Variants in SORCS2 observed in about 807,000 individuals in gnomAD.
SORCS2 encodes VPS10 domain-containing receptor SorCS2.
SORCS2 carries 100 observed loss-of-function variants against 141.6 expected under a neutral mutation model. The observed-to-expected ratio is 0.71, with a 90% CI of 0.60 to 0.83. SORCS2 has a LOEUF of 0.83. Ranked by LOEUF, SORCS2 falls within the 40% of genes least tolerant of loss-of-function variation. The pLI is 0.00. For missense variants in SORCS2, 1,646 were observed against 1,560.2 expected, an observed-to-expected ratio of 1.05 and a Z score of -0.93; for synonymous variants, 789 against 676.9, an observed-to-expected ratio of 1.17 and a Z score of -2.57.
intron 1 of SORCS2, among the ~76,000 whole-genome samples, chr4:7,245,589 C>T (rs752190121): frequency 1.1e-4 from 16 of 152,212 alleles, no homozygotes; most frequent in Non-Finnish European, 1.9e-4. Context: ...TTAGTGCCTC[C>T]CAGTGCAAGG....
intron 2 of SORCS2, among the ~76,000 whole-genome samples, chr4:7,418,602 C>T (rs1725842372): frequency 6.6e-6 from 1 of 152,050 alleles, no homozygotes. Flanking sequence ...AAAAGTCTAG[C>T]TCAGAAATTA....
chr4:7,289,682 C>A (rs763938097), intron 1 of SORCS2, among the ~76,000 whole-genome samples: 64 of 152,230 alleles, frequency 4.2e-4, no homozygotes, highest in African/African-American at 1.4e-3. Context: ...TAAAGCTCTG[C>A]GGGGAGTTTT....
At chr4:7,657,400 G>C (rs1376096838) in intron 5 of SORCS2, among the ~76,000 whole-genome samples, 1 of 152,062 alleles carries the variant, frequency 6.6e-6, no homozygotes, top group Non-Finnish European at 1.5e-5. Flanking sequence ...AAATAACTGA[G>C]TGTGTGATTG....
At chr4:7,603,049 C>G (rs1379199798) in intron 3 of SORCS2, among the ~76,000 whole-genome samples, 2 of 152,148 alleles carry the variant, frequency 1.3e-5, no homozygotes, top group Non-Finnish European at 2.9e-5. Flanking sequence ...ATCGCAGGCA[C>G]TCCGCAGGCT....
chr4:7,517,511 A>C (rs1259542261), intron 2 of SORCS2, among the ~76,000 whole-genome samples: 1 of 152,190 alleles, frequency 6.6e-6, no homozygotes, highest in Non-Finnish European at 1.5e-5. Context: ...CTTCAGCAGA[A>C]ACCGAATACA....
chr4:7,550,138 G>GTGTGTGTGTGTGTGTGTA (rs1553883004), intron 3 of SORCS2, among the ~76,000 whole-genome samples: 1 of 24,294 alleles, frequency 4.1e-5, no homozygotes, highest in East Asian at 7.6e-3. Flanking sequence ...GTGTATGTGT[G>GTGTGTGTGTGTGTGTGTA]TGTGTGTGTG....
chr4:7,600,670 C>CACACAG (rs1717609808), intron 3 of SORCS2, among the ~76,000 whole-genome samples: 1 of 148,888 alleles, frequency 6.7e-6, no homozygotes, highest in African/African-American at 2.6e-5. Flanking sequence ...CACACACACA[C>CACACAG]ACACACACAC....
intron 1 of SORCS2, among the ~76,000 whole-genome samples, chr4:7,327,888 C>T (rs899655145): frequency 6.6e-6 from 1 of 152,076 alleles, no homozygotes; most frequent in Non-Finnish European, 1.5e-5. Flanking sequence ...CATTTGATGC[C>T]TGTTCTTGTC....
chr4:7,682,940 A>G (rs2108968543), intron 10 of SORCS2, 51 bp downstream of exon 10: 2 of 1,581,790 alleles, frequency 1.3e-6, no homozygotes, highest in South Asian at 1.2e-5. Context: ...GATGCTAGAT[A>G]TAACTTCAGT....
intron 2 of SORCS2, among the ~76,000 whole-genome samples, chr4:7,414,166 C>T (rs1012750418): frequency 6.6e-6 from 1 of 152,204 alleles, no homozygotes; most frequent in Non-Finnish European, 1.5e-5. Context: ...TAGGCATCAA[C>T]AATTCAGACT....
intron 2 of SORCS2, among the ~76,000 whole-genome samples, chr4:7,404,679 G>T (rs938661702): frequency 6.6e-6 from 1 of 152,020 alleles, no homozygotes; most frequent in South Asian, 2.1e-4. Context: ...TGTGTCCTTT[G>T]CCCACTTTTA....
chr4:7,638,718 G>A (rs965327421), intron 4 of SORCS2, among the ~76,000 whole-genome samples: 4 of 152,222 alleles, frequency 2.6e-5, no homozygotes, highest in Non-Finnish European at 5.9e-5. Flanking sequence ...GCTGAGCGAG[G>A]TGGTGGTGGG....
chr4:7,321,307 G>T (rs2878613), intron 1 of SORCS2, among the ~76,000 whole-genome samples: 78,324 of 151,984 alleles, frequency 0.52, 21,225 homozygotes, highest in East Asian at 0.8. Flanking sequence ...GTATTCCATG[G>T]TGTATGTATA....
At chr4:7,399,447 T>G (rs1448388059) in intron 2 of SORCS2, among the ~76,000 whole-genome samples, 1 of 152,184 alleles carries the variant, frequency 6.6e-6, no homozygotes, top group Admixed American at 6.5e-5. Flanking sequence ...GGCTCGAAGC[T>G]GAATGTGTTT....
intron 2 of SORCS2, among the ~76,000 whole-genome samples, chr4:7,492,322 C>T (rs77818801): frequency 0.025 from 3,852 of 152,320 alleles, 80 homozygotes; most frequent in African/African-American, 0.056. Context: ...TGAGGTCGCG[C>T]GGTATTTGTC....
intron 1 of SORCS2, among the ~76,000 whole-genome samples, chr4:7,390,035 C>T (rs781041723): frequency 9.2e-5 from 14 of 152,218 alleles, no homozygotes; most frequent in Middle Eastern, 3.4e-3. Flanking sequence ...CAGGAGCTCC[C>T]GGGAAGCTGC....
chr4:7,690,402 T>TGATG (rs141599080), intron 11 of SORCS2, among the ~76,000 whole-genome samples: 1 of 141,290 alleles, frequency 7.1e-6, no homozygotes, highest in Admixed American at 7.1e-5. Flanking sequence ...GATGCTGAAT[T>TGATG]GATGGATGGA....
chr4:7,540,348 G>C (rs1210539229), intron 3 of SORCS2, among the ~76,000 whole-genome samples: 2 of 151,998 alleles, frequency 1.3e-5, no homozygotes, highest in African/African-American at 4.8e-5. Flanking sequence ...GATTAGCCCG[G>C]GTCCCGTGGA....
intron 3 of SORCS2, among the ~76,000 whole-genome samples, chr4:7,556,396 C>T (rs764214688): frequency 4.6e-5 from 7 of 152,024 alleles, no homozygotes; most frequent in Admixed American, 1.3e-4. Context: ...TGGAGACACT[C>T]GCGCAGCCTC....
Sources: gnomAD v4.1 joint callset for allele counts (sites outside exome capture counted in the v4.1 genomes callset) on GRCh38, gnomAD v4.1.1 for gene constraint, MANE v1.5 for transcripts, NCBI Gene and HGNC (gene_info 2026-07-23, HGNC 2026-07-21) for gene names.